ARAP2: variants seen among roughly 807,000 people sequenced by gnomAD.
ARAP2 encodes the protein ArfGAP with RhoGAP domain, ankyrin repeat and PH domain 2, also known as arf-GAP with Rho-GAP domain, ANK repeat and PH domain-containing protein 2.
In ARAP2, 148 loss-of-function variants were observed where a neutral mutation model predicts 194.5. The observed-to-expected ratio is 0.76, with a 90% CI of 0.67 to 0.87. The LOEUF is 0.87. Among genes scored for constraint, ARAP2 ranks in the 40% least tolerant of loss-of-function variants. ARAP2 has a pLI of 0.00. For synonymous variants in ARAP2, 695 were observed against 683.5 expected (o/e 1.02, Z -0.26); for missense variants, 2,128 against 1,989.7 (o/e 1.07, Z -1.32).
chr4:36,051,074 A>G (rs747217823), intron 3 of ARAP2, among the ~76,000 whole-genome samples: 1 of 151,864 alleles, frequency 6.6e-6, no homozygotes, highest in Non-Finnish European at 1.5e-5. Context: ...ATGAATTAAT[A>G]TTATAAGACA....
chr4:36,239,516 G>GA (rs1268090602), intron 1 of ARAP2, among the ~76,000 whole-genome samples: 11 of 152,240 alleles, frequency 7.2e-5, no homozygotes, highest in Admixed American at 6.5e-4. Context: ...TATGCTAAGT[G>GA]AAAAAACAGT....
At chr4:36,103,932 T>TG (rs1340917650) in intron 27 of ARAP2, among the ~76,000 whole-genome samples, 1 of 151,872 alleles carries the variant, frequency 6.6e-6, no homozygotes, top group African/African-American at 2.4e-5. Context: ...AAGGAAGTGG[T>TG]GAAAACATAA....
intron 5 of ARAP2, among the ~76,000 whole-genome samples, chr4:36,025,633 T>C (rs1023837714): frequency 2.6e-5 from 4 of 152,172 alleles, no homozygotes; most frequent in African/African-American, 7.2e-5. Context: ...TCGTCTATTT[T>C]TGTAAATATA....
chr4:36,075,866 T>C (rs975169161), intron 31 of ARAP2, among the ~76,000 whole-genome samples: 2 of 152,146 alleles, frequency 1.3e-5, no homozygotes, highest in Non-Finnish European at 2.9e-5. Context: ...ACCTTAAATT[T>C]TAAGAAACCA....
At chr4:36,146,768 G>C (rs1729718879) in intron 19 of ARAP2, among the ~76,000 whole-genome samples, 2 of 151,914 alleles carry the variant, frequency 1.3e-5, no homozygotes, top group Admixed American at 6.6e-5. Flanking sequence ...TGCTTACACT[G>C]TTTTCCCTAA....
chr4:36,144,363 G>C (rs1359858139), intron 19 of ARAP2, among the ~76,000 whole-genome samples: 3 of 151,764 alleles, frequency 2.0e-5, no homozygotes, highest in Non-Finnish European at 4.4e-5. Context: ...ATTAATAAAT[G>C]ATTGTAAAAC....
chr4:36,103,915 G>T (rs183565596), intron 27 of ARAP2, among the ~76,000 whole-genome samples: 1 of 151,700 alleles, frequency 6.6e-6, no homozygotes, highest in African/African-American at 2.4e-5. Flanking sequence ...TAACATTCTC[G>T]CGTTAAAAGG....
chr4:36,014,158 T>C lies in ARAP2; in HGVS notation n.1056+1228A>G, dbSNP rs144994490. 1.8e-3 allele frequency among the ~76,000 whole-genome samples: 270 copies of C among 149,928 alleles called. 5 individuals are homozygous for C. The highest frequency in any genetic ancestry group is 2.1e-3 in the Admixed American group (31 of 14,944). On this transcript the variant is annotated intron_variant and non_coding_transcript_variant, in intron 8 of 12. Coordinates refer to the ARAP2 transcript ENST00000503225. The stretch of plus-strand genomic sequence containing the variant: ...TGGAAGGATCTTGAGCCGAGGGAGG[T>C]TGAAGCTGCAGTGAGCTGACATTGT...
intron 5 of ARAP2, among the ~76,000 whole-genome samples, chr4:36,022,660 G>A (rs1301046762): frequency 6.6e-6 from 1 of 152,186 alleles, no homozygotes; most frequent in Non-Finnish European, 1.5e-5. Flanking sequence ...TATCCTCAGA[G>A]AAGAGTCACA....
chr4:36,016,070 C>T (rs1294159590), intron 6 of ARAP2: 3 of 152,196 alleles, frequency 2.0e-5, no homozygotes, highest in South Asian at 4.1e-4. Context: ...AGTAGATACA[C>T]ACATTAGAGT....
intron 5 of ARAP2, among the ~76,000 whole-genome samples, chr4:36,037,740 A>G (rs918710221): frequency 6.6e-6 from 1 of 151,992 alleles, no homozygotes; most frequent in African/African-American, 2.4e-5. Flanking sequence ...GTGCTAATCA[A>G]TCCCTCATTC....
chr4:36,129,420 T>C (rs1724842752), intron 20 of ARAP2, among the ~76,000 whole-genome samples: 1 of 151,956 alleles, frequency 6.6e-6, no homozygotes, highest in South Asian at 2.1e-4. Flanking sequence ...CCACACAATC[T>C]TGCTTCTCTG....
intron 6 of ARAP2, among the ~76,000 whole-genome samples, chr4:36,203,727 T>TA (rs1431552656): frequency 2.0e-5 from 3 of 152,108 alleles, no homozygotes; most frequent in Non-Finnish European, 4.4e-5. Flanking sequence ...ATGATCGTCT[T>TA]ACAAGAAACA....
At chr4:36,040,519 T>A (rs1324955290) in intron 5 of ARAP2, among the ~76,000 whole-genome samples, 4 of 151,892 alleles carry the variant, frequency 2.6e-5, no homozygotes, top group Non-Finnish European at 5.9e-5. Context: ...CTGATTTCTT[T>A]GAGCAGTACT....
chr4:36,031,249 T>C (rs1005720465), intron 5 of ARAP2, among the ~76,000 whole-genome samples: 2 of 152,248 alleles, frequency 1.3e-5, no homozygotes, highest in Non-Finnish European at 2.9e-5. Flanking sequence ...ATTTCCCTTC[T>C]ATGGATATAA....
At chr4:36,114,713 C>T (rs1332723152) in intron 25 of ARAP2, among the ~76,000 whole-genome samples, 1 of 151,954 alleles carries the variant, frequency 6.6e-6, no homozygotes, top group Non-Finnish European at 1.5e-5. Context: ...GGCTATCGGT[C>T]ATGCCAAAAA....
At chr4:36,005,513 A>T (rs917742488) in intron 10 of ARAP2, 1 of 152,204 alleles carries the variant, frequency 6.6e-6, no homozygotes, top group African/African-American at 2.4e-5. Context: ...GCTTTATAAG[A>T]AATGTACAAT....
intron 2 of ARAP2, among the ~76,000 whole-genome samples, chr4:36,056,708 C>CT (rs1487624221): frequency 1.3e-5 from 2 of 151,798 alleles, no homozygotes; most frequent in African/African-American, 4.8e-5. Context: ...GTCCCTTTTT[C>CT]TTTTTTTCTA....
chr4:36,100,805 T>C (rs1254546462), intron 27 of ARAP2, among the ~76,000 whole-genome samples: 1 of 151,962 alleles, frequency 6.6e-6, no homozygotes. Context: ...AGAACACTAA[T>C]GGGGGAGCAT....
Sources: gnomAD v4.1 joint callset for allele counts (sites outside exome capture counted in the v4.1 genomes callset) on GRCh38, gnomAD v4.1.1 for gene constraint, MANE v1.5 for transcripts, NCBI Gene and HGNC (gene_info 2026-07-23, HGNC 2026-07-21) for gene names.